Variants in KLHDC4 observed in about 807,000 individuals in gnomAD.
KLHDC4 encodes kelch domain-containing protein 4.
In KLHDC4, 90 loss-of-function variants were observed where a neutral mutation model predicts 62.4. The observed-to-expected ratio is 1.44, with a 90% CI of 1.22 to 1.72. The LOEUF (loss-of-function observed/expected upper bound fraction) is 1.72, where lower values mean the gene tolerates loss of function less well. KLHDC4 is among the 40% of genes most tolerant of loss of function. The pLI is 0.00. For synonymous variants in KLHDC4, 386 were observed against 284.4 expected (o/e 1.36, Z -3.59); for missense variants, 1,025 against 699.7 (o/e 1.47, Z -5.25).
intron 5 of KLHDC4, among the ~76,000 whole-genome samples, chr16:87,732,739 G>C (rs139035203): frequency 6.6e-6 from 1 of 152,088 alleles, no homozygotes; most frequent in African/African-American, 2.4e-5. Context: ...GAAAAGGCAG[G>C]TCCAAAGCAA....
chr16:87,703,074 G>A (rs908429326), downstream of KLHDC4: 3 of 152,196 alleles, frequency 2.0e-5, no homozygotes, highest in South Asian at 2.1e-4. Context: ...CGCTTCTCTC[G>A]TTACAAACCA....
At chr16:87,739,811 A>AT (rs2041972449) in intron 5 of KLHDC4, 1 of 152,296 alleles carries the variant, frequency 6.6e-6, no homozygotes, top group Non-Finnish European at 1.5e-5. Flanking sequence ...AGATCCACAG[A>AT]CACAGACAGC....
chr16:87,711,582 C>T (rs1325954684), intron 8 of KLHDC4, 139 bp from the exon 9 acceptor site: 3 of 671,798 alleles, frequency 4.5e-6, no homozygotes, highest in East Asian at 2.7e-5. Context: ...AAACTCTGCT[C>T]CCTCTGCAGA....
At chr16:87,744,493 G>A (rs2042731444) in intron 5 of KLHDC4, among the ~76,000 whole-genome samples, 1 of 150,404 alleles carries the variant, frequency 6.6e-6, no homozygotes, top group South Asian at 2.1e-4. Flanking sequence ...TGAGGCACAA[G>A]AATGGCTTGA....
chr16:87,763,206 C>T (rs1407607754), intron 1 of KLHDC4, among the ~76,000 whole-genome samples: 1 of 152,220 alleles, frequency 6.6e-6, no homozygotes, highest in Non-Finnish European at 1.5e-5. Flanking sequence ...CTCAAGTAAC[C>T]ACTATCTGGA....
chr16:87,744,344 G>A (rs1033889175), intron 5 of KLHDC4, among the ~76,000 whole-genome samples: 2 of 151,926 alleles, frequency 1.3e-5, no homozygotes, highest in African/African-American at 4.8e-5. Context: ...GAACCTCTGA[G>A]GTGGAGGTGG....
chr16:87,758,319 A>G (rs545188049), intron 2 of KLHDC4, among the ~76,000 whole-genome samples: 1 of 152,352 alleles, frequency 6.6e-6, no homozygotes, highest in South Asian at 2.1e-4. Flanking sequence ...GTTGGTCTGC[A>G]GATGAGTGGA....
At chr16:87,705,594 CTT>C (rs931015034), downstream of KLHDC4, among the ~76,000 whole-genome samples, 5 of 152,262 alleles carry the variant, frequency 3.3e-5, no homozygotes, top group African/African-American at 1.2e-4. Flanking sequence ...TCAAAAGTCT[CTT>C]TTTCCTTGGA....
At chr16:87,720,826 C>T (rs368796177) in intron 7 of KLHDC4, among the ~76,000 whole-genome samples, 2 of 152,262 alleles carry the variant, frequency 1.3e-5, no homozygotes, top group Admixed American at 6.5e-5. Context: ...CCTGCCACAG[C>T]CGCAGCCTCT....
chr16:87,748,357 A>G lies in KLHDC4; in HGVS notation c.506+316T>C, dbSNP rs376958611. 3.2e-3 allele frequency among the ~76,000 whole-genome samples: 487 copies of G among 152,342 alleles called. 1 individual carries two copies. Among genetic ancestry groups the G allele is most frequent in the African/African-American group, 0.011 (466 of 41,564 alleles). ...CCCTTCCAACAAGCTGGGCACCCAG[A>G]GCTGCCTCCAATGATGTAAACAGAA... is the stretch of plus-strand genomic sequence containing the variant. On this transcript the variant is annotated intron_variant, in intron 5 of 11. Coordinates refer to ENST00000270583, the MANE Select transcript of KLHDC4 (RefSeq NM_017566.4).
chr16:87,735,486 G>T (rs2041158670), intron 5 of KLHDC4, among the ~76,000 whole-genome samples: 2 of 152,102 alleles, frequency 1.3e-5, no homozygotes, highest in African/African-American at 4.8e-5. Context: ...GCTGGGGCGG[G>T]GCCTCCTTTC....
At chr16:87,761,878 G>A (rs2045945174) in intron 2 of KLHDC4, 71 bp downstream of exon 2, 2 of 1,416,628 alleles carry the variant, frequency 1.4e-6, no homozygotes, top group South Asian at 1.2e-5. Context: ...GAAACCTGGT[G>A]CTATTTAAAG....
chr16:87,711,341 C>G lies in KLHDC4; in HGVS notation c.938G>C (p.Gly313Ala). 1 of 1,614,028 alleles carries G rather than the reference C, an allele frequency of 6.2e-7. No individual in the cohort carries two copies. Among genetic ancestry groups the G allele is most frequent in the South Asian group, 1.1e-5 (1 of 91,080 alleles). The change falls in exon 9 of 12, where the codon GGG becomes GCG. Residue 313 changes from glycine (G) to alanine (A), a missense_variant. By Grantham distance (60) the Gly-to-Ala change is moderately conservative. Coordinates refer to ENST00000270583, the MANE Select transcript of KLHDC4 (RefSeq NM_017566.4). ...CTCCTCTTCCTCGTCACAGACACCC[C>G]CGAAGAACAGTGTCTGGTGATTCGG... is the stretch of plus-strand genomic sequence containing the variant. ...MAPNHQTLFF[G>A]GVCDEEEEES...
chr16:87,759,261 G>T (rs2045498376), intron 2 of KLHDC4, among the ~76,000 whole-genome samples: 1 of 151,914 alleles, frequency 6.6e-6, no homozygotes, highest in African/African-American at 2.4e-5. Flanking sequence ...TAGGTCGGGT[G>T]CAGTGGCTCA....
At chr16:87,760,781 C>A (rs2045763048) in intron 2 of KLHDC4, among the ~76,000 whole-genome samples, 1 of 152,108 alleles carries the variant, frequency 6.6e-6, no homozygotes, top group East Asian at 1.9e-4. Flanking sequence ...GCCTGTAATC[C>A]CAGCACTTTG....
intron 4 of KLHDC4, among the ~76,000 whole-genome samples, chr16:87,754,607 A>C (rs758680388): frequency 6.6e-6 from 1 of 152,160 alleles, no homozygotes; most frequent in Non-Finnish European, 1.5e-5. Flanking sequence ...CACTCATTCA[A>C]ATTTTCTGTG....
chr16:87,707,419 G>A (rs1174550005), downstream of KLHDC4, among the ~76,000 whole-genome samples: 1 of 152,174 alleles, frequency 6.6e-6, no homozygotes, highest in East Asian at 1.9e-4. Context: ...GCGGCAGGTG[G>A]CTCCCAGGAG....
At chr16:87,746,858 TA>T (rs1233747259) in intron 5 of KLHDC4, among the ~76,000 whole-genome samples, 5 of 152,248 alleles carry the variant, frequency 3.3e-5, no homozygotes, top group African/African-American at 1.2e-4. Flanking sequence ...TCTCCTGTTT[TA>T]ATTACCATTA....
chr16:87,701,878 C>T (rs1361998216), exon 1 of KLHDC4: 3 of 456,444 alleles, frequency 6.6e-6, no homozygotes, highest in Non-Finnish European at 1.3e-5. Flanking sequence ...CTCTTCGAGC[C>T]CAGGGAGTGG....
Sources: gnomAD v4.1 joint callset for allele counts (sites outside exome capture counted in the v4.1 genomes callset) on GRCh38, gnomAD v4.1.1 for gene constraint, MANE v1.5 for transcripts, NCBI Gene and HGNC (gene_info 2026-07-23, HGNC 2026-07-21) for gene names.